ATF6: variants seen among roughly 807,000 people sequenced by gnomAD.
The protein encoded by ATF6 is activating transcription factor 6, also known as cyclic AMP-dependent transcription factor ATF-6 alpha.
ATF6 carries 53 observed loss-of-function variants against 83.6 expected under a neutral mutation model. That is an observed-to-expected ratio of 0.63 (90% CI 0.51 to 0.80). The LOEUF (loss-of-function observed/expected upper bound fraction) is 0.80, where lower values mean the gene tolerates loss of function less well. Ranked by LOEUF, ATF6 falls within the 30% of genes least tolerant of loss-of-function variation. The probability of loss-of-function intolerance (pLI) is 0.00; values close to 1 mark genes in which losing one functional copy is unlikely to be tolerated. For missense variants in ATF6, 744 were observed against 797.9 expected (o/e 0.93, Z 0.81); for synonymous variants, 288 against 285.8 (o/e 1.01, Z -0.08).
chr1:161,890,508 T>C (rs1687525232), intron 14 of ATF6, among the ~76,000 whole-genome samples: 1 of 152,256 alleles, frequency 6.6e-6, no homozygotes, highest in Non-Finnish European at 1.5e-5. Flanking sequence ...GTATGCCGCC[T>C]TGCCATTGAC....
chr1:161,834,710 G>T (rs1047856752), intron 9 of ATF6, among the ~76,000 whole-genome samples: 7 of 151,828 alleles, frequency 4.6e-5, no homozygotes, highest in Non-Finnish European at 1.0e-4. Flanking sequence ...CACCAACATG[G>T]CACATGTATA....
chr1:161,924,936 G>A (rs1295995759), intron 15 of ATF6, among the ~76,000 whole-genome samples: 2 of 152,164 alleles, frequency 1.3e-5, no homozygotes, highest in African/African-American at 4.8e-5. Context: ...TTGCTCTGTG[G>A]CCAACCAGTT....
chr1:161,890,504 C>T (rs7523416), intron 14 of ATF6, among the ~76,000 whole-genome samples: 14,778 of 152,218 alleles, frequency 0.097, 1,292 homozygotes, highest in East Asian at 0.32. Flanking sequence ...GTAAGTATGC[C>T]GCCTTGCCAT....
At chr1:161,948,656 C>T (rs928534229) in intron 15 of ATF6, among the ~76,000 whole-genome samples, 1 of 152,150 alleles carries the variant, frequency 6.6e-6, no homozygotes, top group Non-Finnish European at 1.5e-5. Flanking sequence ...ATTGAATTCA[C>T]GATCTCAGAT....
intron 4 of ATF6, among the ~76,000 whole-genome samples, chr1:161,791,106 C>G (rs12045398): frequency 0.13 from 15,342 of 120,672 alleles, 1,357 homozygotes; most frequent in East Asian, 0.34. Flanking sequence ...GTGTGTGTCT[C>G]TGTGTGTGTG....
intron 7 of ATF6, among the ~76,000 whole-genome samples, chr1:161,811,769 A>ATCCC (rs1685468781): frequency 7.3e-6 from 1 of 137,662 alleles, no homozygotes; most frequent in African/African-American, 2.6e-5. Context: ...CCATCCATCC[A>ATCCC]TCCATCCATC....
At chr1:161,784,564 T>C (rs1252757157) in intron 4 of ATF6, among the ~76,000 whole-genome samples, 1 of 152,150 alleles carries the variant, frequency 6.6e-6, no homozygotes, top group African/African-American at 2.4e-5. Context: ...GTCTGGTAGC[T>C]CTTTTAAGAA....
intron 6 of ATF6, among the ~76,000 whole-genome samples, chr1:161,795,441 G>A (rs1026117167): frequency 6.6e-6 from 1 of 152,194 alleles, no homozygotes; most frequent in African/African-American, 2.4e-5. Context: ...GTGATGGGTT[G>A]TGATATCTCC....
chr1:161,956,597 TAAAG>T (rs1688972101), intron 15 of ATF6, among the ~76,000 whole-genome samples: 1 of 152,190 alleles, frequency 6.6e-6, no homozygotes, highest in Non-Finnish European at 1.5e-5. Context: ...ACAGCGGTCT[TAAAG>T]AATAGGTAGG....
rs16849592 is a variant in ATF6 at position 161,817,407 on chromosome 1, C to T, written c.910-2226C>T. 3.8e-3 allele frequency among the ~76,000 whole-genome samples: 578 copies of T among 152,220 alleles called. 6 individuals carry two copies. The highest frequency in any genetic ancestry group is 0.013 in the African/African-American group (533 of 41,530). ...GGCATTCTAAGTAACATGAAGAACA[C>T]TAAAAATAAAAGTAGACTGAACAAA... On this transcript the variant is annotated intron_variant, in intron 7 of 15. Transcript: ENST00000367942.
intron 9 of ATF6, among the ~76,000 whole-genome samples, chr1:161,836,152 A>G (rs768213263): frequency 5.3e-5 from 8 of 152,234 alleles, no homozygotes; most frequent in Non-Finnish European, 8.8e-5. Flanking sequence ...GGTTAGAAGT[A>G]AAATGTTTCT....
intron 14 of ATF6, among the ~76,000 whole-genome samples, chr1:161,882,534 A>T (rs1232775263): frequency 6.6e-6 from 1 of 152,120 alleles, no homozygotes; most frequent in Non-Finnish European, 1.5e-5. Context: ...GCATGTATAC[A>T]CATATACATA....
At chr1:161,950,903 C>A (rs892420019) in intron 15 of ATF6, among the ~76,000 whole-genome samples, 1 of 152,104 alleles carries the variant, frequency 6.6e-6, no homozygotes, top group East Asian at 1.9e-4. Flanking sequence ...TGTTTGAGAT[C>A]GATGAAATGA....
At chr1:161,825,637 G>A (rs114890632) in intron 9 of ATF6, among the ~76,000 whole-genome samples, 1,981 of 152,186 alleles carry the variant, frequency 0.013, 48 homozygotes, top group African/African-American at 0.044. Flanking sequence ...TAAGGTATAG[G>A]GGAAGAGTGC....
At chr1:161,957,264 G>A (rs1041581475) in intron 15 of ATF6, among the ~76,000 whole-genome samples, 2 of 152,030 alleles carry the variant, frequency 1.3e-5, no homozygotes, top group Non-Finnish European at 2.9e-5. Flanking sequence ...AAAAATCACT[G>A]GTTGGCTCTG....
chr1:161,885,173 A>G (rs1463614798), intron 14 of ATF6, among the ~76,000 whole-genome samples: 1 of 152,132 alleles, frequency 6.6e-6, no homozygotes, highest in Non-Finnish European at 1.5e-5. Flanking sequence ...ATGCTTAGGC[A>G]TTTTCTTACA....
chr1:161,824,437 T>C (rs1399151001), intron 9 of ATF6, among the ~76,000 whole-genome samples: 1 of 151,394 alleles, frequency 6.6e-6, no homozygotes, highest in Non-Finnish European at 1.5e-5. Context: ...TTTCCTGGAC[T>C]ACCTTTTCTA....
At chr1:161,810,897 A>AT (rs1361605877) in intron 7 of ATF6, among the ~76,000 whole-genome samples, 1 of 151,062 alleles carries the variant, frequency 6.6e-6, no homozygotes, top group Non-Finnish European at 1.5e-5. Context: ...CACTTACCAT[A>AT]TTTTTTTCAA....
chr1:161,889,628 C>T (rs1687507093), intron 14 of ATF6, among the ~76,000 whole-genome samples: 1 of 152,208 alleles, frequency 6.6e-6, no homozygotes, highest in Admixed American at 6.5e-5. Context: ...ACAATGGAAA[C>T]AAATCAAGAC....
Sources: allele counts gnomAD v4.1 joint callset (sites outside exome capture counted in the v4.1 genomes callset), GRCh38; gene constraint gnomAD v4.1.1; transcripts MANE v1.5; gene names NCBI Gene and HGNC (gene_info 2026-07-23, HGNC 2026-07-21).